The following MAPT variants were observed in gnomAD, a reference collection of about 807,000 sequenced individuals.
MAPT encodes microtubule-associated protein tau.
In MAPT, 34 loss-of-function variants were observed where a neutral mutation model predicts 67.9. The ratio of observed to expected loss-of-function variants is 0.50; its 90% CI spans 0.38 to 0.67. MAPT has a LOEUF of 0.67. Ranked by LOEUF, MAPT falls within the 30% of genes least tolerant of loss-of-function variation. The pLI is 0.00. For missense variants in MAPT, 881 were observed against 1,115.2 expected (o/e 0.79, Z 2.99); for synonymous variants, 456 against 464.5 (o/e 0.98, Z 0.23).
intron 1 of MAPT, among the ~76,000 whole-genome samples, chr17:45,920,392 T>C (rs1268206698): frequency 6.6e-6 from 1 of 152,174 alleles, no homozygotes; most frequent in Admixed American, 6.5e-5. Context: ...TGTTTTTATC[T>C]CCCGGGGAAA....
At chr17:45,899,103 G>A (rs1029014390) in intron 1 of MAPT, among the ~76,000 whole-genome samples, 2 of 152,160 alleles carry the variant, frequency 1.3e-5, no homozygotes, top group African/African-American at 2.4e-5. Context: ...GCTGCAGCAG[G>A]GAGAGGAGTC....
chr17:45,980,938 T>C (rs1298617417), intron 4 of MAPT, among the ~76,000 whole-genome samples: 1 of 152,200 alleles, frequency 6.6e-6, no homozygotes, highest in African/African-American at 2.4e-5. Flanking sequence ...AATGTTTTCC[T>C]GACACCAGTT....
At chr17:45,926,656 G>C (rs2066320403) in intron 1 of MAPT, among the ~76,000 whole-genome samples, 2 of 152,136 alleles carry the variant, frequency 1.3e-5, no homozygotes, top group Admixed American at 1.3e-4. Context: ...TGGACAATTA[G>C]AGAAATTCAC....
intron 3 of MAPT, chr17:45,972,202 C>T (rs2071766622): frequency 6.1e-6 from 4 of 656,916 alleles, no homozygotes; most frequent in Admixed American, 2.1e-5. Context: ...CTCCACAAAG[C>T]CCCGCTCCAT....
chr17:45,991,222 A>G (rs1020528695), intron 7 of MAPT, among the ~76,000 whole-genome samples: 9 of 152,196 alleles, frequency 5.9e-5, no homozygotes, highest in Admixed American at 5.9e-4. Context: ...ACTAATGCAC[A>G]CAGTTCCTCT....
rs980225467 is a variant in MAPT at position 45,996,147 on chromosome 17, G to T, written c.1733-252G>T. On this transcript the variant is annotated intron_variant, in intron 8 of 12. Coordinates refer to ENST00000262410, the MANE Select transcript of MAPT (RefSeq NM_001377265.1). The surrounding 1 kb of genome is among the most constrained non-coding windows in gnomAD (Gnocchi z 4.5). ...GAGTTGGCCACCTCTCTGGGAGCGG[G>T]TATTGGATGGTGGTTGATGGTTTTC... Among the ~76,000 whole-genome samples the T allele has an allele frequency of 1.3e-5, 2 of 152,174 alleles. No homozygotes were observed. The highest frequency in any genetic ancestry group is 4.8e-5 in the African/African-American group (2 of 41,436).
chr17:45,967,762 G>C (rs2071236941), intron 2 of MAPT, among the ~76,000 whole-genome samples: 1 of 152,098 alleles, frequency 6.6e-6, no homozygotes, highest in African/African-American at 2.4e-5. Context: ...GAGTTCAACA[G>C]AGCCTTCCTG....
chr17:45,984,069 G>A lies in MAPT; in HGVS notation c.1351+139G>A, dbSNP rs887844729. ...TAGGACGCCACTAAATCGACACCTG[G>A]GTGCAGCTGCTCCACTCCCTCGGCC... is the stretch of plus-strand genomic sequence containing the variant. On this transcript the variant is annotated intron_variant, in intron 5 of 12. Coordinates refer to ENST00000262410, the MANE Select transcript of MAPT (RefSeq NM_001377265.1). 9 of 749,480 alleles carry A rather than the reference G, an allele frequency of 1.2e-5. No individual in the cohort carries two copies. The African/African-American group carries it at 1.6e-4, about 13-fold the overall frequency. The allele number at this position is 749,480 out of a possible 1,614,324, so 46.4% of individuals were successfully genotyped here.
chr17:46,023,574 T>C (rs888950507), intron 12 of MAPT, among the ~76,000 whole-genome samples: 21 of 152,212 alleles, frequency 1.4e-4, no homozygotes, highest in African/African-American at 5.1e-4. Context: ...GCGCAGTGGC[T>C]CACGCCTGTA....
intron 1 of MAPT, among the ~76,000 whole-genome samples, chr17:45,904,562 T>C (rs959389277): frequency 1.2e-4 from 18 of 149,966 alleles, no homozygotes; most frequent in Admixed American, 4.8e-4. Flanking sequence ...CATGATGGCA[T>C]GTGTCTGTAG....
At chr17:46,018,758 T>C (rs1313435561) in intron 12 of MAPT, 28 bp downstream of exon 12, 1 of 1,489,332 alleles carries the variant, frequency 6.7e-7, no homozygotes, top group Admixed American at 1.7e-5. Context: ...GGTTGGATGC[T>C]GCCCTTGGGT....
At chr17:45,984,460 C>T (rs1006990413) in intron 5 of MAPT, among the ~76,000 whole-genome samples, 1 of 152,252 alleles carries the variant, frequency 6.6e-6, no homozygotes, top group Non-Finnish European at 1.5e-5. Context: ...TGTCCTGCAT[C>T]CCACAACGCC....
chr17:45,999,148 T>C, intron 9 of MAPT: 3 of 1,405,958 alleles, frequency 2.1e-6, no homozygotes, highest in Non-Finnish European at 2.8e-6. Flanking sequence ...TCCTTATCTC[T>C]TCCCTTCCCT....
At chr17:45,970,366 A>G (rs1343778517) in intron 2 of MAPT, among the ~76,000 whole-genome samples, 9 of 149,446 alleles carry the variant, frequency 6.0e-5, no homozygotes, top group Admixed American at 3.3e-4. Flanking sequence ...ATCCAATAAT[A>G]CATTCATCCA....
At chr17:45,910,355 A>C (rs1316489171) in intron 1 of MAPT, among the ~76,000 whole-genome samples, 1 of 152,154 alleles carries the variant, frequency 6.6e-6, no homozygotes, top group East Asian at 1.9e-4. Flanking sequence ...AGAGGGATTC[A>C]GGGAAGTCAA....
intron 1 of MAPT, chr17:45,908,397 T>A (rs2064486033): frequency 6.6e-6 from 1 of 151,912 alleles, no homozygotes; most frequent in Non-Finnish European, 1.5e-5. Flanking sequence ...CAGGGAGAAA[T>A]TTAATTAAAA....
chr17:45,958,720 TAAAAGAAAA>T (rs1407071959), intron 1 of MAPT, among the ~76,000 whole-genome samples: 1 of 128,594 alleles, frequency 7.8e-6, no homozygotes, highest in Non-Finnish European at 1.7e-5. Flanking sequence ...GACCCTGACT[TAAAAGAAAA>T]AAAAAAAAAA....
At chr17:45,955,358 C>G (rs2069520754) in intron 1 of MAPT, among the ~76,000 whole-genome samples, 1 of 152,246 alleles carries the variant, frequency 6.6e-6, no homozygotes, top group Non-Finnish European at 1.5e-5. Context: ...TCCATCACCT[C>G]TGCCTTTTCA....
intron 3 of MAPT, chr17:45,972,854 T>A (rs2071864627): frequency 6.5e-6 from 1 of 153,140 alleles, no homozygotes. Context: ...CTTCTGCTTA[T>A]GTCTCATTGG....
Sources: allele counts gnomAD v4.1 joint callset (sites outside exome capture counted in the v4.1 genomes callset), GRCh38; gene constraint gnomAD v4.1.1; non-coding constraint Gnocchi (gnomAD v3.1); transcripts MANE v1.5; gene names NCBI Gene and HGNC (gene_info 2026-07-23, HGNC 2026-07-21).